The following LMBR1 variants were observed in gnomAD, a reference collection of about 807,000 sequenced individuals.
LMBR1 encodes limb development membrane protein 1, also known as limb region 1 protein homolog.
In LMBR1, 52 loss-of-function variants were observed where a neutral mutation model predicts 73.9. That is an observed-to-expected ratio of 0.70 (90% CI 0.56 to 0.89). The LOEUF is 0.89. Among genes scored for constraint, LMBR1 ranks in the 40% least tolerant of loss-of-function variants. The pLI, the probability that LMBR1 is intolerant of heterozygous loss-of-function variation, is 0.00. For synonymous variants in LMBR1, 215 were observed against 209.4 expected, an observed-to-expected ratio of 1.03 and a Z score of -0.23; for missense variants, 539 against 579.8, an observed-to-expected ratio of 0.93 and a Z score of 0.72.
chr7:156,846,014 G>C (rs977111248), intron 1 of LMBR1, among the ~76,000 whole-genome samples: 2 of 151,622 alleles, frequency 1.3e-5, no homozygotes, highest in African/African-American at 4.9e-5. Flanking sequence ...TATAATCCTA[G>C]CTACTCAAGA....
chr7:156,889,977 C>A (rs1802608202), intron 1 of LMBR1, among the ~76,000 whole-genome samples: 1 of 152,106 alleles, frequency 6.6e-6, no homozygotes, highest in South Asian at 2.1e-4. Flanking sequence ...GCACGACAGC[C>A]TGGTCAACAG....
At chr7:156,807,892 T>C (rs943394357) in intron 4 of LMBR1, among the ~76,000 whole-genome samples, 6 of 152,196 alleles carry the variant, frequency 3.9e-5, no homozygotes, top group Non-Finnish European at 7.4e-5. Context: ...GTAAAGTATG[T>C]TATCAATTAC....
At chr7:156,815,743 T>C (rs776046816) in intron 4 of LMBR1, among the ~76,000 whole-genome samples, 4 of 152,142 alleles carry the variant, frequency 2.6e-5, no homozygotes, top group African/African-American at 4.8e-5. Context: ...TTACCACGTG[T>C]TGGGGAGCCT....
intron 1 of LMBR1, among the ~76,000 whole-genome samples, chr7:156,881,768 C>G (rs1801121417): frequency 6.6e-6 from 1 of 150,538 alleles, no homozygotes; most frequent in Admixed American, 6.6e-5. Context: ...ATCAAAACCA[C>G]AATGAGATAT....
chr7:156,818,277 G>A lies in LMBR1; in HGVS notation c.319+8328C>T, dbSNP rs1188595818. ...CTTCATGATGTCCAAACAGTGTATCGCCTATTCCTGATGACAAATCAAAAT... is the reference window on the plus strand; with the variant it reads ...CTTCATGATGTCCAAACAGTGTATCACCTATTCCTGATGACAAATCAAAAT... On this transcript the variant is annotated intron_variant, in intron 4 of 16. Transcript: ENST00000353442. 1.3e-4 allele frequency among the ~76,000 whole-genome samples: 20 copies of A among 152,222 alleles called. No individual in the cohort carries two copies. In the East Asian group the frequency reaches 3.5e-3, roughly 26 times the overall value.
chr7:156,771,712 G>C (rs1272092453), intron 5 of LMBR1, among the ~76,000 whole-genome samples: 1 of 151,962 alleles, frequency 6.6e-6, no homozygotes, highest in Non-Finnish European at 1.5e-5. Context: ...TAAAAATAAA[G>C]GACACCTCCC....
At chr7:156,849,240 T>C (rs981059829) in intron 1 of LMBR1, among the ~76,000 whole-genome samples, 1 of 152,132 alleles carries the variant, frequency 6.6e-6, no homozygotes, top group Non-Finnish European at 1.5e-5. Flanking sequence ...GAGACCATTA[T>C]CCTAAGTGAA....
At chr7:156,729,059 G>A (rs1386532733) in intron 10 of LMBR1, among the ~76,000 whole-genome samples, 4 of 152,000 alleles carry the variant, frequency 2.6e-5, no homozygotes, top group Non-Finnish European at 4.4e-5. Flanking sequence ...GCCCAGGCTG[G>A]TCTTGAACTC....
chr7:156,890,134 A>C (rs1487342902), intron 1 of LMBR1, among the ~76,000 whole-genome samples: 1 of 152,238 alleles, frequency 6.6e-6, no homozygotes, highest in Non-Finnish European at 1.5e-5. Context: ...GCAATTGGAC[A>C]TTCCTGTGGG....
intron 4 of LMBR1, among the ~76,000 whole-genome samples, chr7:156,813,677 C>T (rs1833465101): frequency 6.6e-6 from 1 of 152,122 alleles, no homozygotes; most frequent in Non-Finnish European, 1.5e-5. Flanking sequence ...TCTCCTTTTC[C>T]CACATTCTTT....
intron 5 of LMBR1, among the ~76,000 whole-genome samples, chr7:156,773,845 G>C (rs377703300): frequency 2.3e-4 from 35 of 152,022 alleles, no homozygotes; most frequent in African/African-American, 8.2e-4. Context: ...AACAAAAATC[G>C]ACAAATGGGA....
rs112348835 is a variant in LMBR1 at position 156,694,875 on chromosome 7, T to A, written c.1226-6684A>T. Among the ~76,000 whole-genome samples, 918 of 152,316 alleles carry A rather than the reference T, an allele frequency of 6.0e-3. 20 individuals are homozygous for A. The South Asian group carries it at 0.08, about 13-fold the overall frequency. On this transcript the variant is annotated intron_variant, in intron 15 of 16. Transcript: ENST00000353442. ...CGACAACTTAGATGAAATAAACAAATTCCTTAAAAGACACTAACAAAGTTC... is the reference window on the plus strand; with the variant it reads ...CGACAACTTAGATGAAATAAACAAAATCCTTAAAAGACACTAACAAAGTTC...
At position 156,724,165 on chromosome 7, in the gene LMBR1, C is replaced by T; in HGVS notation, c.1172G>A (p.Cys391Tyr). The change falls in exon 15 of 17, where the codon TGT (cysteine) becomes TAT (tyrosine). Residue 391 changes from cysteine (C) to tyrosine (Y), a missense_variant. By Grantham distance (194) the Cys-to-Tyr change is radical (BLOSUM62 -2). Around this residue, in one of 3 missense-constraint regions of LMBR1, gnomAD observed 454 missense variants for 473.4 expected, o/e 0.96. Transcript: ENST00000353442. Reference sequence around the variant, plus strand: ...AGAGCTCAAAACCAAGATGGACACACAATTTCCAATGATCTGTTATGAGAA... The same window carrying T: ...AGAGCTCAAAACCAAGATGGACACATAATTTCCAATGATCTGTTATGAGAA... ...DTTMTKIIGN[C>Y]VSILVLSSAL... 1 of 1,610,712 alleles carries T rather than the reference C, an allele frequency of 6.2e-7. No homozygotes were observed. Among genetic ancestry groups the T allele is most frequent in the Non-Finnish European group, 8.5e-7 (1 of 1,178,116 alleles).
At chr7:156,855,664 T>C (rs1158297881) in intron 1 of LMBR1, among the ~76,000 whole-genome samples, 1 of 19,742 alleles carries the variant, frequency 5.1e-5, no homozygotes, top group African/African-American at 2.1e-4. Context: ...ACAACGTAAA[T>C]ACAAAAAAAA....
chr7:156,767,514 G>A (rs1563314066), intron 5 of LMBR1, among the ~76,000 whole-genome samples: 1 of 151,792 alleles, frequency 6.6e-6, no homozygotes, highest in Admixed American at 6.6e-5. Context: ...CATTTAAAAC[G>A]ATAATATTTC....
At chr7:156,775,524 T>C (rs1439879750) in intron 5 of LMBR1, among the ~76,000 whole-genome samples, 2 of 152,166 alleles carry the variant, frequency 1.3e-5, no homozygotes, top group Non-Finnish European at 2.9e-5. Flanking sequence ...GCGTAAGACA[T>C]TATATCTTAA....
intron 1 of LMBR1, among the ~76,000 whole-genome samples, chr7:156,888,998 G>A (rs1176841380): frequency 1.3e-5 from 2 of 151,938 alleles, no homozygotes; most frequent in East Asian, 1.9e-4. Context: ...AGGTTGCAAT[G>A]AGCCGAGATC....
intron 15 of LMBR1, among the ~76,000 whole-genome samples, chr7:156,707,720 A>G (rs186136625): frequency 1.3e-5 from 2 of 152,302 alleles, no homozygotes; most frequent in East Asian, 3.9e-4. Context: ...GCATACTTCA[A>G]AATAATAAAG....
intron 9 of LMBR1, among the ~76,000 whole-genome samples, chr7:156,741,910 T>C (rs1029113553): frequency 6.6e-6 from 1 of 152,146 alleles, no homozygotes; most frequent in Non-Finnish European, 1.5e-5. Flanking sequence ...ACAACAGAAG[T>C]CTTAAAACAT....
Sources: gnomAD v4.1 joint callset for allele counts (sites outside exome capture counted in the v4.1 genomes callset) on GRCh38, gnomAD v4.1.1 for gene constraint, gnomAD v4.1.1 regional missense constraint, MANE v1.5 for transcripts, NCBI Gene and HGNC (gene_info 2026-07-23, HGNC 2026-07-21) for gene names.